COL5A1: variants seen among roughly 807,000 people sequenced by gnomAD.
COL5A1 encodes collagen type V alpha 1 chain, also known as collagen alpha-1(V) chain.
COL5A1 carries 16 observed loss-of-function variants against 263.7 expected under a neutral mutation model. The ratio of observed to expected loss-of-function variants is 0.06; its 90% CI spans 0.04 to 0.09. The LOEUF is 0.09. Ranked by LOEUF, COL5A1 falls within the 10% of genes least tolerant of loss-of-function variation. COL5A1 has a pLI of 1.00. For missense variants in COL5A1, 2,036 were observed against 2,540.5 expected (o/e 0.80, Z 4.27); for synonymous variants, 1,012 against 1,004.5 (o/e 1.01, Z -0.14).
At chr9:134,689,657 C>G (rs1292292342) in intron 1 of COL5A1, among the ~76,000 whole-genome samples, 1 of 152,160 alleles carries the variant, frequency 6.6e-6, no homozygotes, top group Non-Finnish European at 1.5e-5. Flanking sequence ...AGGAAAAAAG[C>G]CCCAGGACGG....
At chr9:134,714,753 T>C (rs1834198685) in intron 4 of COL5A1, among the ~76,000 whole-genome samples, 2 of 146,742 alleles carry the variant, frequency 1.4e-5, no homozygotes, top group African/African-American at 2.6e-5. Context: ...ATGGAGGTGA[T>C]TGTGATGGTG....
rs1191702431 is a variant in COL5A1, at chr9:134,710,921, C to T, written c.654+9588C>T. ...GGGTGCAGTGGTGGGGGAGGGGCCC[C>T]GTCTGTTGGGTGCAGTGGTGGGGGA... On this transcript the variant is annotated intron_variant, in intron 4 of 65. Transcript: ENST00000371817. Among the ~76,000 whole-genome samples, 3 of 101,436 alleles carry T rather than the reference C, an allele frequency of 3.0e-5. 1 individual carries two copies. The highest frequency in any genetic ancestry group is 1.2e-4 in the African/African-American group (3 of 24,030). 66.5% of individuals were successfully genotyped at this position (101,436 alleles called of 152,430 possible).
chr9:134,699,865 C>T, intron 2 of COL5A1, 44 bp from the exon 3 acceptor site: 1 of 1,592,508 alleles, frequency 6.3e-7, no homozygotes, highest in Non-Finnish European at 8.6e-7. Flanking sequence ...GGTGTGGTTG[C>T]AGGGGCTCCC....
At chr9:134,643,224 G>A (rs983863413) in intron 1 of COL5A1, among the ~76,000 whole-genome samples, 1 of 151,948 alleles carries the variant, frequency 6.6e-6, no homozygotes, top group African/African-American at 2.4e-5. Flanking sequence ...AGTTAGTGGC[G>A]GGGTGGGTTT....
intron 41 of COL5A1, among the ~76,000 whole-genome samples, chr9:134,805,641 C>G (rs1838269121): frequency 1.3e-5 from 2 of 152,186 alleles, no homozygotes; most frequent in Non-Finnish European, 1.5e-5. Context: ...CAGGATGGCC[C>G]TCACGATTAG....
At chr9:134,747,244 G>A (rs966059996) in intron 11 of COL5A1, among the ~76,000 whole-genome samples, 3 of 152,198 alleles carry the variant, frequency 2.0e-5, no homozygotes, top group African/African-American at 7.2e-5. Context: ...TCGGTGAGAA[G>A]CGGCATCAGA....
At chr9:134,831,138 C>G (rs774435132) in intron 64 of COL5A1, among the ~76,000 whole-genome samples, 1 of 152,210 alleles carries the variant, frequency 6.6e-6, no homozygotes, top group Non-Finnish European at 1.5e-5. Context: ...GTTGCTGCAC[C>G]CTGGCACCAG....
intron 32 of COL5A1, among the ~76,000 whole-genome samples, chr9:134,792,814 T>C (rs547375917): frequency 3.4e-4 from 43 of 126,990 alleles, no homozygotes; most frequent in African/African-American, 1.2e-3. Flanking sequence ...CGTGCATGTG[T>C]GTGCATGTGT....
At chr9:134,804,936 A>G (rs765839300) in intron 39 of COL5A1, 39 bp from the exon 40 acceptor site, 1 of 1,572,606 alleles carries the variant, frequency 6.4e-7, no homozygotes, top group African/African-American at 1.4e-5. Context: ...GGTCTGCGTC[A>G]CTGGCTCCAG....
Position 134,843,428 on chromosome 9 carries a change from A to T in COL5A1, c.*1125A>T, listed in dbSNP as rs1134170. ...AGGTCTCCTTGAAGGCGCACTGGGGACCCTGGCCATGCCTCGTTCTCCCTG... is the reference window on the plus strand; with the variant it reads ...AGGTCTCCTTGAAGGCGCACTGGGGTCCCTGGCCATGCCTCGTTCTCCCTG... On this transcript the variant is annotated 3_prime_UTR_variant, in exon 66 of 66. Transcript: ENST00000371817. 0.66 allele frequency: 101,141 copies of T among 152,326 alleles called. 33,911 individuals carry two copies. Among genetic ancestry groups the T allele is most frequent in the Middle Eastern group, 0.74 (222 of 300 alleles). 9.4% of individuals were successfully genotyped at this position (152,326 alleles called of 1,614,324 possible). A position where few individuals can be genotyped will look rare whatever the true frequency, so the allele number is the denominator to read the frequency against.
chr9:134,768,568 C>T (rs1836762647), intron 25 of COL5A1, 105 bp downstream of exon 25: 20 of 1,164,568 alleles, frequency 1.7e-5, no homozygotes, highest in Non-Finnish European at 2.3e-5. Context: ...ACGGCATTGA[C>T]TCATTCTGGC....
At chr9:134,834,717 T>C (rs1250143431) in intron 64 of COL5A1, among the ~76,000 whole-genome samples, 1 of 152,156 alleles carries the variant, frequency 6.6e-6, no homozygotes, top group Non-Finnish European at 1.5e-5. Flanking sequence ...CCCTGAAGGA[T>C]AAGCATAAGC....
At position 134,754,715 on chromosome 9, in the gene COL5A1, G is replaced by A. The variant is rs77827838; in HGVS notation, c.1827+389G>A. On this transcript the variant is annotated intron_variant, in intron 16 of 65. Transcript: ENST00000371817. This position sits in a 1 kb window ranked among gnomAD's most constrained non-coding sequence, Gnocchi z 4.3. ...CGGGGGCATGGGCGGGCCTTCCTGC[G>A]CCTTACCTGCTGTCTTGCCTCCTGG... is the stretch of plus-strand genomic sequence containing the variant. 2.0e-4 allele frequency among the ~76,000 whole-genome samples: 31 copies of A among 152,226 alleles called. No individual in the cohort carries two copies. The East Asian group carries it at 5.8e-3, about 28-fold the overall frequency.
chr9:134,816,874 G>C, intron 52 of COL5A1, 152 bp from the exon 53 acceptor site: 5 of 735,846 alleles, frequency 6.8e-6, no homozygotes, highest in Non-Finnish European at 1.2e-5. Flanking sequence ...GTGCGACACT[G>C]TCTTAGGACC....
intron 65 of COL5A1, among the ~76,000 whole-genome samples, chr9:134,839,399 T>TG (rs1402188393): frequency 1.3e-5 from 2 of 152,124 alleles, no homozygotes; most frequent in Non-Finnish European, 2.9e-5. Context: ...AGGGGTCCCA[T>TG]AAATCCCATG....
chr9:134,766,989 G>A lies in COL5A1; in HGVS notation c.2134-11G>A. ...AGCCCCCTTCAGTGCCTTTGCTCTT[G>A]TCTCCTGTAGGGTCCCCAGGGAGAG... On this transcript the variant is annotated splice_polypyrimidine_tract_variant and intron_variant, in intron 22 of 65. Coordinates refer to ENST00000371817, the MANE Select transcript of COL5A1 (RefSeq NM_000093.5). 1 of 1,613,414 alleles carries A rather than the reference G, an allele frequency of 6.2e-7. No individual in the cohort carries two copies. Among genetic ancestry groups the A allele is most frequent in the Non-Finnish European group, 8.5e-7 (1 of 1,179,808 alleles).
chr9:134,778,483 A>G (rs1837130607), intron 27 of COL5A1, among the ~76,000 whole-genome samples: 2 of 152,200 alleles, frequency 1.3e-5, no homozygotes, highest in African/African-American at 4.8e-5. Flanking sequence ...TCCATGTCCC[A>G]TCTCAGGCTG....
intron 63 of COL5A1, among the ~76,000 whole-genome samples, chr9:134,828,551 C>T (rs578176297): frequency 8.4e-5 from 11 of 130,338 alleles, no homozygotes; most frequent in South Asian, 2.7e-4. Flanking sequence ...CACAGAGATA[C>T]GCACCACACA....
At chr9:134,791,050 G>A (rs1588553747) in intron 32 of COL5A1, among the ~76,000 whole-genome samples, 5 of 152,190 alleles carry the variant, frequency 3.3e-5, no homozygotes, top group South Asian at 2.1e-4. Flanking sequence ...CCCCACCGGC[G>A]AGCCGAGGAG....
Sources: gnomAD v4.1 joint callset for allele counts (sites outside exome capture counted in the v4.1 genomes callset) on GRCh38, gnomAD v4.1.1 for gene constraint, Gnocchi (gnomAD v3.1) non-coding constraint, MANE v1.5 for transcripts, NCBI Gene and HGNC (gene_info 2026-07-23, HGNC 2026-07-21) for gene names.